The following ADCY9 variants were observed in gnomAD, a reference collection of about 807,000 sequenced individuals.
ADCY9 encodes adenylate cyclase type 9.
ADCY9 carries 50 observed loss-of-function variants against 101.5 expected under a neutral mutation model. That is an observed-to-expected ratio of 0.49 (90% CI 0.39 to 0.62). The LOEUF is 0.62. ADCY9 is among the 20% of genes least tolerant of loss of function. The probability of loss-of-function intolerance (pLI) is 0.00; values close to 1 mark genes in which losing one functional copy is unlikely to be tolerated. For synonymous variants in ADCY9, 905 were observed against 769.3 expected (o/e 1.18, Z -2.92); for missense variants, 1,662 against 1,800.4 (o/e 0.92, Z 1.39).
At chr16:4,088,348 G>A (rs953341267) in intron 2 of ADCY9, among the ~76,000 whole-genome samples, 3 of 152,004 alleles carry the variant, frequency 2.0e-5, no homozygotes, top group Admixed American at 1.3e-4. Flanking sequence ...CTGGAGTGCA[G>A]CAGCATGATC....
At position 3,965,874 on chromosome 16, in the gene ADCY9, CCT is replaced by C. The variant is rs1190787618; in HGVS notation, c.3961_3962del (p.Arg1321GlyfsTer13). 6.2e-6 allele frequency: 10 copies of C among 1,614,106 alleles called. No homozygotes were observed. Among genetic ancestry groups the C allele is most frequent in the Non-Finnish European group, 8.5e-6 (10 of 1,180,048 alleles). On this transcript the variant is annotated frameshift_variant, in exon 11 of 11. Coordinates refer to ENST00000294016, the MANE Select transcript of ADCY9 (RefSeq NM_001116.4). LOFTEE classifies it high-confidence loss of function. ...TCTCTATGGCTTTGCCAAATCGACC[CCT>C]TTCTTCGGCTTTGACGGGCTCCTTC... ...PWKEPVKAEERGRFGKAIEKD... is the reference protein window; with the variant it reads ...PWKEPVKAEEXGRFGKAIEKD...
intron 2 of ADCY9, among the ~76,000 whole-genome samples, chr16:4,076,376 C>T (rs2056867328): frequency 6.6e-6 from 1 of 152,188 alleles, no homozygotes; most frequent in African/African-American, 2.4e-5. Context: ...AAAAATTCAA[C>T]AAAATAAGAG....
At chr16:4,000,966 T>TACACACACA (rs2056325319) in intron 3 of ADCY9, among the ~76,000 whole-genome samples, 1 of 35,998 alleles carries the variant, frequency 2.8e-5, no homozygotes, top group Admixed American at 3.5e-4. Flanking sequence ...CATCCCTCTC[T>TACACACACA]CTACACACAC....
chr16:4,036,068 G>A (rs1179702446), intron 2 of ADCY9, among the ~76,000 whole-genome samples: 1 of 67,612 alleles, frequency 1.5e-5, no homozygotes, highest in Non-Finnish European at 2.6e-5. Context: ...CTAAAGACAA[G>A]CCAGCTCCTT....
At chr16:4,108,530 C>T (rs2057093052) in intron 2 of ADCY9, among the ~76,000 whole-genome samples, 1 of 151,716 alleles carries the variant, frequency 6.6e-6, no homozygotes, top group African/African-American at 2.4e-5. Flanking sequence ...CCTGCGACCA[C>T]ACCCAGCCAA....
intron 6 of ADCY9, among the ~76,000 whole-genome samples, chr16:3,986,569 T>C (rs913678305): frequency 1.3e-5 from 2 of 152,200 alleles, no homozygotes; most frequent in Non-Finnish European, 2.9e-5. Context: ...GCGATTTTCC[T>C]GTCTCAGCTT....
chr16:4,061,214 G>A (rs2056771719), intron 2 of ADCY9, among the ~76,000 whole-genome samples: 1 of 151,908 alleles, frequency 6.6e-6, no homozygotes, highest in South Asian at 2.1e-4. Context: ...CAGAAACACA[G>A]GGATACCATC....
At chr16:4,048,308 T>C (rs2056679316) in intron 2 of ADCY9, among the ~76,000 whole-genome samples, 1 of 152,214 alleles carries the variant, frequency 6.6e-6, no homozygotes, top group Non-Finnish European at 1.5e-5. Flanking sequence ...TAACCATGCA[T>C]TGTTCAAATT....
intron 2 of ADCY9, among the ~76,000 whole-genome samples, 165 bp downstream of exon 2, chr16:4,113,585 T>C (rs886878134): frequency 6.6e-6 from 1 of 152,162 alleles, no homozygotes; most frequent in African/African-American, 2.4e-5. Flanking sequence ...TCTGTGATAT[T>C]TGACCCGCTG....
At chr16:4,045,869 CTTTTTTT>C (rs56804050) in intron 2 of ADCY9, among the ~76,000 whole-genome samples, 1 of 78,910 alleles carries the variant, frequency 1.3e-5, no homozygotes, top group African/African-American at 4.2e-5. Context: ...TTTTTTCTTT[CTTTTTTT>C]TTTTTTTTTT....
chr16:3,966,979 G>A lies in ADCY9; in HGVS notation c.2871-13C>T, dbSNP rs2056004769. 1.2e-6 allele frequency: 2 copies of A among 1,601,164 alleles called. No individual in the cohort carries two copies. Among genetic ancestry groups the A allele is most frequent in the Admixed American group, 1.7e-5 (1 of 59,106 alleles). Reference sequence around the variant, plus strand: ...GTTCCTCTCGGAACTGGAGAGCAAAGACACGGGAAAGGGAGAGGTTACTGC... The same window carrying A: ...GTTCCTCTCGGAACTGGAGAGCAAAAACACGGGAAAGGGAGAGGTTACTGC... On this transcript the variant is annotated splice_polypyrimidine_tract_variant and intron_variant, in intron 10 of 10. Transcript: ENST00000294016.
chr16:3,996,977 G>A (rs913910234), intron 3 of ADCY9, among the ~76,000 whole-genome samples: 4 of 152,126 alleles, frequency 2.6e-5, no homozygotes, highest in African/African-American at 9.7e-5. Context: ...CAATTCTGCT[G>A]CCTCAACCTC....
downstream of ADCY9, among the ~76,000 whole-genome samples, chr16:3,958,356 T>C (rs2055918898): frequency 6.6e-6 from 1 of 151,944 alleles, no homozygotes; most frequent in East Asian, 1.9e-4. Context: ...AGCCCAGCCA[T>C]GGTGAAACTC....
chr16:4,094,673 C>T (rs1415338268), intron 2 of ADCY9, among the ~76,000 whole-genome samples: 1 of 151,726 alleles, frequency 6.6e-6, no homozygotes, highest in Non-Finnish European at 1.5e-5. Flanking sequence ...AAAATGCAGA[C>T]AAGCCAGAAA....
At chr16:3,976,662 A>AT (rs1239701372) in intron 9 of ADCY9, among the ~76,000 whole-genome samples, 14 of 151,942 alleles carry the variant, frequency 9.2e-5, no homozygotes, top group Non-Finnish European at 1.6e-4. Context: ...CCTATTTATT[A>AT]TTTTTTGTTT....
In ADCY9 at chr16:3,966,900, G is replaced by A. The variant is rs748266717; in HGVS notation, c.2937C>T (p.Gly979=). 5.6e-6 allele frequency: 9 copies of A among 1,614,090 alleles called. No homozygotes were observed. Among genetic ancestry groups the A allele is most frequent in the Non-Finnish European group, 7.6e-6 (9 of 1,180,048 alleles). The stretch of plus-strand genomic sequence containing the variant: ...GAAAGAAGACGAGAACCACCTCCTG[G>A]CCGATGAGGCTGGCGGGCCGCCGGA... ...RDLRRPASLI[G]QEVVLVFFLL... The change falls in exon 11 of 11, where the codon GGC becomes GGT. Residue 979 remains glycine (G), a synonymous_variant. Transcript: ENST00000294016.
At chr16:4,041,314 C>T (rs954687500) in intron 2 of ADCY9, among the ~76,000 whole-genome samples, 2 of 151,978 alleles carry the variant, frequency 1.3e-5, no homozygotes, top group African/African-American at 2.4e-5. Context: ...ACCAGCCTGG[C>T]CAATATGGTG....
At chr16:4,106,445 C>T (rs2057077517) in intron 2 of ADCY9, among the ~76,000 whole-genome samples, 1 of 152,184 alleles carries the variant, frequency 6.6e-6, no homozygotes, top group South Asian at 2.1e-4. Flanking sequence ...TGCCAGTTCC[C>T]TTCCTGTTTC....
At chr16:3,970,482 A>G (rs377186553) in intron 10 of ADCY9, among the ~76,000 whole-genome samples, 1 of 152,004 alleles carries the variant, frequency 6.6e-6, no homozygotes, top group Non-Finnish European at 1.5e-5. Flanking sequence ...GTGCGCCACC[A>G]TACTTGGCTA....
Sources: gnomAD v4.1 joint callset for allele counts (sites outside exome capture counted in the v4.1 genomes callset) on GRCh38, gnomAD v4.1.1 for gene constraint, MANE v1.5 for transcripts, NCBI Gene and HGNC (gene_info 2026-07-23, HGNC 2026-07-21) for gene names.